The following LAMA2 variants were observed in gnomAD, a reference collection of about 807,000 sequenced individuals.
LAMA2 encodes laminin subunit alpha 2, also known as laminin subunit alpha-2.
A neutral mutation model predicts 364.8 loss-of-function variants in LAMA2; 269 were observed. The ratio of observed to expected loss-of-function variants is 0.74; its 90% confidence interval spans 0.67 to 0.82. LAMA2 has a LOEUF of 0.82. Ranked by LOEUF, LAMA2 falls within the 40% of genes least tolerant of loss-of-function variation. LAMA2 has a pLI of 0.00. For missense variants in LAMA2, 3,807 were observed against 3,873.2 expected (o/e 0.98, Z 0.45); for synonymous variants, 1,379 against 1,370.6 (o/e 1.01, Z -0.14).
At chr6:128,969,793 A>C (rs564562749) in intron 1 of LAMA2, among the ~76,000 whole-genome samples, 26 of 152,304 alleles carry the variant, frequency 1.7e-4, no homozygotes, top group Non-Finnish European at 1.3e-4. Context: ...GATAAAACAA[A>C]AAAATTAAAA....
chr6:129,036,027 A>G (rs899233984), intron 1 of LAMA2, among the ~76,000 whole-genome samples: 2 of 152,080 alleles, frequency 1.3e-5, no homozygotes, highest in African/African-American at 4.8e-5. Flanking sequence ...GAAAAATGAC[A>G]TTGGTAATTT....
chr6:128,921,355 T>C (rs1333969780), intron 1 of LAMA2, among the ~76,000 whole-genome samples: 2 of 152,198 alleles, frequency 1.3e-5, no homozygotes, highest in African/African-American at 4.8e-5. Context: ...AATTGCATCC[T>C]TCAAAAAGAA....
At chr6:129,018,140 A>G (rs1472970961) in intron 1 of LAMA2, among the ~76,000 whole-genome samples, 1 of 152,060 alleles carries the variant, frequency 6.6e-6, no homozygotes, top group Non-Finnish European at 1.5e-5. Context: ...TATTTTTGCT[A>G]TTTCAAGTTT....
intron 3 of LAMA2, among the ~76,000 whole-genome samples, chr6:129,092,934 AG>A (rs1272596451): frequency 6.6e-6 from 1 of 152,182 alleles, no homozygotes; most frequent in Non-Finnish European, 1.5e-5. Flanking sequence ...GGTGCTCAAA[AG>A]TCTCTGTAAA....
intron 1 of LAMA2, among the ~76,000 whole-genome samples, chr6:128,961,359 A>C (rs1042922113): frequency 1.3e-4 from 12 of 94,552 alleles, no homozygotes; most frequent in Non-Finnish European, 1.6e-4. Flanking sequence ...ATATATATAT[A>C]TATATATATT....
chr6:129,499,164 C>T (rs1270169376), intron 58 of LAMA2, among the ~76,000 whole-genome samples: 1 of 152,138 alleles, frequency 6.6e-6, no homozygotes, highest in East Asian at 1.9e-4. Context: ...CCTTTCATAT[C>T]CCATTTTCCC....
chr6:129,441,154 G>A (rs1427561118), intron 43 of LAMA2, among the ~76,000 whole-genome samples, 156 bp downstream of exon 43: 1 of 152,174 alleles, frequency 6.6e-6, no homozygotes, highest in African/African-American at 2.4e-5. Flanking sequence ...GTGTCATGCA[G>A]TTCCAAAGCT....
At chr6:128,886,450 C>A (rs1776153053) in intron 1 of LAMA2, among the ~76,000 whole-genome samples, 1 of 152,166 alleles carries the variant, frequency 6.6e-6, no homozygotes. Context: ...AAGGTTGGCT[C>A]ACTTTTACAC....
At chr6:129,420,106 G>A (rs1292970268) in intron 40 of LAMA2, among the ~76,000 whole-genome samples, 1 of 151,980 alleles carries the variant, frequency 6.6e-6, no homozygotes, top group African/African-American at 2.4e-5. Context: ...TAATATCATT[G>A]TATATCTACT....
intron 1 of LAMA2, among the ~76,000 whole-genome samples, chr6:129,016,958 C>T (rs1219196949): frequency 2.0e-5 from 3 of 151,618 alleles, no homozygotes; most frequent in Admixed American, 6.6e-5. Context: ...ACCCCATTTC[C>T]TTGTCACTAG....
intron 1 of LAMA2, among the ~76,000 whole-genome samples, chr6:129,046,645 T>C (rs1787526769): frequency 6.6e-6 from 1 of 152,200 alleles, no homozygotes; most frequent in African/African-American, 2.4e-5. Flanking sequence ...TTATTCAATG[T>C]GTAACCTATA....
intron 1 of LAMA2, among the ~76,000 whole-genome samples, chr6:128,957,336 T>C (rs769079696): frequency 1.8e-4 from 28 of 152,194 alleles, no homozygotes; most frequent in Non-Finnish European, 3.2e-4. Flanking sequence ...ATACCTACCA[T>C]AGACTGTAAG....
rs577343909 is a variant in LAMA2 at position 129,452,711 on chromosome 6, A to T, written c.6430-277A>T. ...CATATTGATAATGGAGAAATGTATG[A>T]CGTTAGAAGTTTGTTAGTTGCATGC... On this transcript the variant is annotated intron_variant, in intron 45 of 64. Transcript: ENST00000421865. Among the ~76,000 whole-genome samples, 87 of 152,318 alleles carry T rather than the reference A, an allele frequency of 5.7e-4. 1 individual carries two copies. Among genetic ancestry groups the T allele is most frequent in the Non-Finnish European group, 7.4e-5 (5 of 68,010 alleles).
chr6:129,081,256 G>A (rs1335936458), intron 3 of LAMA2, among the ~76,000 whole-genome samples: 3 of 151,766 alleles, frequency 2.0e-5, no homozygotes, highest in Admixed American at 6.6e-5. Context: ...GGTGGGGTGA[G>A]GGGGGAGGGA....
At chr6:128,951,291 C>A (rs1780805710) in intron 1 of LAMA2, among the ~76,000 whole-genome samples, 1 of 151,886 alleles carries the variant, frequency 6.6e-6, no homozygotes, top group Admixed American at 6.6e-5. Context: ...CAAGAGGATT[C>A]AATGTGGTAA....
chr6:129,106,613 T>G (rs1464132783), intron 4 of LAMA2, among the ~76,000 whole-genome samples: 1 of 152,016 alleles, frequency 6.6e-6, no homozygotes, highest in Non-Finnish European at 1.5e-5. Flanking sequence ...AGCAACAATA[T>G]TAAAGTACCT....
chr6:129,129,058 G>A (rs77864765), intron 4 of LAMA2, among the ~76,000 whole-genome samples: 5,869 of 152,238 alleles, frequency 0.039, 389 homozygotes, highest in African/African-American at 0.13. Context: ...GAGGAAATAC[G>A]TGGCCAGGCT....
At position 129,492,409 on chromosome 6, in the gene LAMA2, C is replaced by T. The variant is rs759439358; in HGVS notation, c.8170C>T (p.Pro2724Ser). ...KLREDEDGAA[P>S]AEIVIQPEPV... Reference sequence around the variant, plus strand: ...CCGTGAAGATGAAGATGGAGCAGCTCCAGCTGAAATAGTTATCCAGCCTGA... The same window carrying T: ...CCGTGAAGATGAAGATGGAGCAGCTTCAGCTGAAATAGTTATCCAGCCTGA... Residue 2724 changes from proline to serine, a missense_variant, in exon 58 of 65, where the codon CCA (proline) becomes TCA (serine). Pro to Ser is a moderately conservative substitution (Grantham distance 74). Transcript: ENST00000421865. 3.1e-6 allele frequency: 5 copies of T among 1,614,158 alleles called. No homozygotes were observed. In the Admixed American group the frequency reaches 5.0e-5, roughly 16 times the overall value.
intron 12 of LAMA2, among the ~76,000 whole-genome samples, chr6:129,225,141 C>T (rs13216843): frequency 6.6e-6 from 1 of 152,184 alleles, no homozygotes; most frequent in Non-Finnish European, 1.5e-5. Flanking sequence ...ATAGTATTCT[C>T]TGATGGTAGT....
Sources: allele counts gnomAD v4.1 joint callset (sites outside exome capture counted in the v4.1 genomes callset), GRCh38; gene constraint gnomAD v4.1.1; transcripts MANE v1.5; gene names NCBI Gene and HGNC (gene_info 2026-07-23, HGNC 2026-07-21).